The following TSPAN12 variants were observed in gnomAD, a reference collection of about 807,000 sequenced individuals.
The protein encoded by TSPAN12 is tetraspanin-12.
TSPAN12 carries 19 observed loss-of-function variants against 39.2 expected under a neutral mutation model. That is an observed-to-expected ratio of 0.49 (90% CI 0.34 to 0.71). TSPAN12 has a LOEUF of 0.71. TSPAN12 is among the 30% of genes least tolerant of loss of function. The pLI is 0.01. For missense variants in TSPAN12, 314 were observed against 359.9 expected (o/e 0.87, Z 1.03); for synonymous variants, 119 against 124.8 (o/e 0.95, Z 0.31).
intron 7 of TSPAN12, among the ~76,000 whole-genome samples, chr7:120,799,804 TTTA>T (rs1218869906): frequency 5.1e-5 from 7 of 136,644 alleles, no homozygotes; most frequent in Middle Eastern, 3.9e-3. Flanking sequence ...ATATTAAATA[TTTA>T]TTATATTTAT....
intron 4 of TSPAN12, among the ~76,000 whole-genome samples, chr7:120,818,235 A>T (rs565342325): frequency 2.0e-5 from 3 of 152,108 alleles, no homozygotes; most frequent in Non-Finnish European, 4.4e-5. Context: ...TGTGCCAAGA[A>T]ACAGATCATA....
intron 1 of TSPAN12, chr7:120,857,143 C>G: frequency 8.3e-6 from 3 of 363,492 alleles, no homozygotes; most frequent in South Asian, 6.7e-5. Flanking sequence ...TGATGAGACG[C>G]TCTTGAAAAC....
chr7:120,811,293 A>T (rs975864457), intron 5 of TSPAN12, among the ~76,000 whole-genome samples: 1 of 152,164 alleles, frequency 6.6e-6, no homozygotes, highest in Non-Finnish European at 1.5e-5. Context: ...ATACTTGCAC[A>T]CTCATGTTTA....
intron 2 of TSPAN12, among the ~76,000 whole-genome samples, chr7:120,844,848 T>G (rs553643889): frequency 6.6e-6 from 1 of 152,310 alleles, no homozygotes; most frequent in African/African-American, 2.4e-5. Flanking sequence ...ACTGCTCCAC[T>G]AGGCAGTGCC....
At position 120,856,691 on chromosome 7, in the gene TSPAN12, T is replaced by TA. The variant is rs1794876593; in HGVS notation, c.66+6dup. The stretch of plus-strand genomic sequence containing the variant: ...TCCCACCTGTTGGTGCAGTGAAACT[T>TA]ACTTACCCAAAAGAGCAGATTGAGG... On this transcript the variant is annotated splice_region_variant and intron_variant, in intron 2 of 7. Coordinates refer to ENST00000222747, the MANE Select transcript of TSPAN12 (RefSeq NM_012338.4). 1 of 1,614,010 alleles carries TA rather than the reference T, an allele frequency of 6.2e-7. No individual in the cohort carries two copies. The highest frequency in any genetic ancestry group is 1.3e-5 in the African/African-American group (1 of 74,944).
At chr7:120,810,331 C>T (rs1793953687) in intron 6 of TSPAN12, 132 bp downstream of exon 6, 3 of 691,194 alleles carry the variant, frequency 4.3e-6, no homozygotes, top group East Asian at 2.7e-5. Flanking sequence ...GAAATAATTG[C>T]ACCAGAGGTT....
At chr7:120,843,307 G>C (rs1794612728) in intron 2 of TSPAN12, among the ~76,000 whole-genome samples, 1 of 152,144 alleles carries the variant, frequency 6.6e-6, no homozygotes, top group African/African-American at 2.4e-5. Flanking sequence ...TCCTGCTCTG[G>C]AGAACCTAAA....
chr7:120,792,669 T>A (rs1793552051), intron 7 of TSPAN12, among the ~76,000 whole-genome samples: 1 of 152,174 alleles, frequency 6.6e-6, no homozygotes, highest in South Asian at 2.1e-4. Context: ...ACCACTAAGC[T>A]AACTGAGTAG....
intron 4 of TSPAN12, among the ~76,000 whole-genome samples, chr7:120,827,383 C>T (rs1584941955): frequency 1.3e-5 from 2 of 152,110 alleles, no homozygotes; most frequent in South Asian, 2.1e-4. Context: ...CATGCACATA[C>T]ACTTTGTTCC....
In TSPAN12 at chr7:120,856,565, T is replaced by G. The variant is rs1164228747; in HGVS notation, c.66+133A>C. 7 of 933,116 alleles carry G rather than the reference T, an allele frequency of 7.5e-6. No individual in the cohort carries two copies. In the East Asian group the frequency reaches 1.6e-4, roughly 21 times the overall value. 57.8% of individuals were successfully genotyped at this position (933,116 alleles called of 1,614,324 possible). ...GCATTTTAAGAAGGTCAAATTTTAC[T>G]TCTCTGAAAAATAAAGGGTGTTATC... On this transcript the variant is annotated intron_variant, in intron 2 of 7. Coordinates refer to ENST00000222747, the MANE Select transcript of TSPAN12 (RefSeq NM_012338.4).
At position 120,788,681 on chromosome 7, in the gene TSPAN12, C is replaced by T. The variant is rs1406871062; in HGVS notation, c.829G>A (p.Glu277Lys). Residue 277 changes from glutamate (E) to lysine (K), a missense_variant, in exon 8 of 8, where the codon GAA becomes AAA. By Grantham distance (56) the Glu-to-Lys change is moderately conservative. Transcript: ENST00000222747. ...CTTGACAGGCTTGGTTTCAACAGTT[C>T]TACTGAGGGACATGACAGGTGCTGA... ...NSQHLSCPSV[E>K]LLKPSLSRIF... The T allele has an allele frequency of 2.5e-6, 4 of 1,613,964 alleles. No homozygotes were observed. Among genetic ancestry groups the T allele is most frequent in the Non-Finnish European group, 2.5e-6 (3 of 1,179,996 alleles).
chr7:120,799,539 TA>T (rs1793706525), intron 7 of TSPAN12, among the ~76,000 whole-genome samples: 1 of 106,504 alleles, frequency 9.4e-6, no homozygotes, highest in Non-Finnish European at 1.8e-5. Context: ...TATAATTATA[TA>T]TAATTATATA....
chr7:120,813,372 G>C (rs965073826), intron 5 of TSPAN12, among the ~76,000 whole-genome samples: 1 of 152,226 alleles, frequency 6.6e-6, no homozygotes, highest in African/African-American at 2.4e-5. Context: ...TGGAATGGCA[G>C]TGGGCACCTA....
At chr7:120,842,746 A>G (rs1794602227) in intron 2 of TSPAN12, among the ~76,000 whole-genome samples, 1 of 152,138 alleles carries the variant, frequency 6.6e-6, no homozygotes, top group Admixed American at 6.5e-5. Flanking sequence ...ATGGGAGCTC[A>G]GTGGTTCTTG....
chr7:120,797,414 G>A (rs1380740629), intron 7 of TSPAN12, among the ~76,000 whole-genome samples: 1 of 152,232 alleles, frequency 6.6e-6, no homozygotes, highest in African/African-American at 2.4e-5. Context: ...TTGTGCAGCA[G>A]AGCTGCCTGG....
intron 3 of TSPAN12, among the ~76,000 whole-genome samples, chr7:120,839,462 A>G (rs1005612426): frequency 6.6e-6 from 1 of 152,234 alleles, no homozygotes; most frequent in African/African-American, 2.4e-5. Context: ...AGTATTAATG[A>G]TAAAAATTAA....
chr7:120,816,131 C>T (rs1794076982), intron 4 of TSPAN12, among the ~76,000 whole-genome samples: 1 of 152,068 alleles, frequency 6.6e-6, no homozygotes, highest in Non-Finnish European at 1.5e-5. Flanking sequence ...GACCTAATTC[C>T]TTTCAAAGTG....
intron 2 of TSPAN12, among the ~76,000 whole-genome samples, chr7:120,846,633 C>T (rs1584952724): frequency 6.6e-6 from 1 of 152,298 alleles, no homozygotes; most frequent in Non-Finnish European, 1.5e-5. Flanking sequence ...ATTGGTCACC[C>T]ACTCTTTGCC....
At chr7:120,846,433 G>C (rs925865643) in intron 2 of TSPAN12, among the ~76,000 whole-genome samples, 1 of 152,134 alleles carries the variant, frequency 6.6e-6, no homozygotes. Context: ...GCTTTTAGTC[G>C]TGTCAAAACA....
Sources: allele counts gnomAD v4.1 joint callset (sites outside exome capture counted in the v4.1 genomes callset), GRCh38; gene constraint gnomAD v4.1.1; transcripts MANE v1.5; gene names NCBI Gene and HGNC (gene_info 2026-07-23, HGNC 2026-07-21).